RYR1: variants seen among roughly 807,000 people sequenced by gnomAD.
The protein encoded by RYR1 is central core disease of muscle.
In RYR1, 342 loss-of-function variants were observed where a neutral mutation model predicts 583.5. That is an observed-to-expected ratio of 0.59 (90% CI 0.54 to 0.64). RYR1 has a LOEUF of 0.64. Among genes scored for constraint, RYR1 ranks in the 30% least tolerant of loss-of-function variants. The pLI, the probability that RYR1 is intolerant of heterozygous loss-of-function variation, is 0.00. For synonymous variants in RYR1, 2,791 were observed against 2,822.5 expected, an observed-to-expected ratio of 0.99 and a Z score of 0.35; for missense variants, 6,032 against 6,917.2, an observed-to-expected ratio of 0.87 and a Z score of 4.54.
chr19:38,570,961 G>A (rs916045149), intron 94 of RYR1, among the ~76,000 whole-genome samples: 1 of 152,230 alleles, frequency 6.6e-6, no homozygotes, highest in Admixed American at 6.5e-5. Flanking sequence ...GCTCAGCTCG[G>A]CCACATGCCA....
chr19:38,488,238 C>T (rs373559845), intron 34 of RYR1, among the ~76,000 whole-genome samples: 5 of 152,186 alleles, frequency 3.3e-5, no homozygotes, highest in African/African-American at 4.8e-5. Context: ...TCTATCAACC[C>T]ATCCATCACC....
chr19:38,457,422 C>T (rs867276155), intron 16 of RYR1, 75 bp from the exon 17 acceptor site: 1 of 1,610,160 alleles, frequency 6.2e-7, no homozygotes, highest in African/African-American at 1.3e-5. Flanking sequence ...TCCTGGCTTC[C>T]CTCCCTCCCA....
chr19:38,542,775 C>T (rs1451919938), intron 84 of RYR1, among the ~76,000 whole-genome samples: 1 of 152,014 alleles, frequency 6.6e-6, no homozygotes, highest in Non-Finnish European at 1.5e-5. Flanking sequence ...CCCACCTGGG[C>T]CTCCCAAAGT....
chr19:38,548,291 A>C lies in RYR1; in HGVS notation c.12153A>C (p.Ser4051=). The stretch of plus-strand genomic sequence containing the variant: ...TGGTGGACATGCTCGTGGAATCCTC[A>C]TCCAATGTGGAGATGATCCTCAAGT... ...RQMVDMLVES[S]SNVEMILKFF... The change falls in exon 89 of 106, where the codon TCA becomes TCC. Residue 4051 remains serine (S), a synonymous_variant. Transcript: ENST00000359596. 6.2e-7 allele frequency: 1 copy of C among 1,614,180 alleles called. No homozygotes were observed. The highest frequency in any genetic ancestry group is 8.5e-7 in the Non-Finnish European group (1 of 1,180,038).
At chr19:38,507,882 C>A in intron 58 of RYR1, 55 bp downstream of exon 58, 2 of 1,073,662 alleles carry the variant, frequency 1.9e-6, no homozygotes, top group Non-Finnish European at 2.9e-6. Context: ...ACCAGTTCTG[C>A]AGACCAGACT....
In RYR1 at chr19:38,449,188, G is replaced by T. The variant is rs187979219; in HGVS notation, c.1122+375G>T. 2.0e-5 allele frequency among the ~76,000 whole-genome samples: 3 copies of T among 152,308 alleles called. No individual in the cohort carries two copies. The South Asian group carries it at 6.2e-4, about 32-fold the overall frequency. On this transcript the variant is annotated intron_variant, in intron 11 of 105. Coordinates refer to ENST00000359596, the MANE Select transcript of RYR1 (RefSeq NM_000540.3). The stretch of plus-strand genomic sequence containing the variant: ...GAGAAACAGAGACACGGCCGGGCGT[G>T]GTGGCTCATGCCTGTAATCCTAGCA...
In RYR1 at chr19:38,545,093, T is replaced by C. The variant is rs1022975510; in HGVS notation, c.12012+1218T>C. 5.3e-5 allele frequency among the ~76,000 whole-genome samples: 8 copies of C among 151,444 alleles called. No individual in the cohort carries two copies. In the South Asian group the frequency reaches 1.5e-3, roughly 28 times the overall value. On this transcript the variant is annotated intron_variant, in intron 87 of 105. Coordinates refer to ENST00000359596, the MANE Select transcript of RYR1 (RefSeq NM_000540.3). The stretch of plus-strand genomic sequence containing the variant: ...CTCCAAGAAAAAAAAAAACCTGAGA[T>C]TCTCTCTGACTAGCCTATTGGGTCA...
intron 37 of RYR1, among the ~76,000 whole-genome samples, chr19:38,491,002 G>A (rs1420814530): frequency 6.6e-6 from 1 of 152,222 alleles, no homozygotes; most frequent in Non-Finnish European, 1.5e-5. Flanking sequence ...ATGGCTGGCT[G>A]GATAGATGGA....
Position 38,455,695 on chromosome 19 carries a change from G to A in RYR1, c.1735G>A (p.Glu579Lys), listed in dbSNP as rs753907367. ...TCCAGAGGTTCTGAACATCATCCAG[G>A]AGAATCACATCAAGTCCATCATCTC... ...ESPEVLNIIQ[E>K]NHIKSIISLL... The change falls in exon 16 of 106, where the codon GAG becomes AAG. Residue 579 changes from glutamate (E) to lysine (K), a missense_variant. Transcript: ENST00000359596. 4.6e-5 allele frequency: 75 copies of A among 1,613,886 alleles called. No homozygotes were observed. Among genetic ancestry groups the A allele is most frequent in the Non-Finnish European group, 6.0e-5 (71 of 1,179,990 alleles).
At chr19:38,540,917 C>A (rs1388333692) in intron 84 of RYR1, among the ~76,000 whole-genome samples, 3 of 149,524 alleles carry the variant, frequency 2.0e-5, no homozygotes, top group East Asian at 2.0e-4. Context: ...TCATATACTA[C>A]AGTGTAATAA....
rs199514828 is a variant in RYR1, at chr19:38,475,272, T to G, written c.4161-46T>G. 29 of 1,551,294 alleles carry G rather than the reference T, an allele frequency of 1.9e-5. No homozygotes were observed. The Admixed American group carries it at 2.2e-4, about 12-fold the overall frequency. ...GGCATGAATATTGCGGTGGGAGGGC[T>G]GGGCTTGAAAGCTGGCTCTCATGGC... is the stretch of plus-strand genomic sequence containing the variant. On this transcript the variant is annotated intron_variant, in intron 28 of 105. Coordinates refer to ENST00000359596, the MANE Select transcript of RYR1 (RefSeq NM_000540.3).
chr19:38,433,829 C>T lies in RYR1; in HGVS notation c.-1C>T. On this transcript the variant is annotated 5_prime_UTR_variant, in exon 1 of 106. Coordinates refer to ENST00000359596, the MANE Select transcript of RYR1 (RefSeq NM_000540.3). ...GACCCTGGGCTTCCGACCTCGACAT[C>T]ATGGGTGACGCAGAAGGCGAAGACG... The T allele has an allele frequency of 1.3e-6, 2 of 1,557,610 alleles. No individual in the cohort carries two copies. Among genetic ancestry groups the T allele is most frequent in the Admixed American group, 1.7e-5 (1 of 57,716 alleles).
Position 38,584,963 on chromosome 19 carries a change from C to T in RYR1, c.14667C>T (p.Tyr4889=), listed in dbSNP as rs193922887. The stretch of plus-strand genomic sequence containing the variant: ...CTCAGTGTTACCTGTTTCACATGTA[C>T]GTGGGTGTCCGGGCTGGCGGAGGCA... ...DMMTCYLFHM[Y]VGVRAGGGIG... The change falls in exon 102 of 106, where the codon TAC becomes TAT. Residue 4889 remains tyrosine, a synonymous_variant. Coordinates refer to ENST00000359596, the MANE Select transcript of RYR1 (RefSeq NM_000540.3). The T allele has an allele frequency of 5.6e-6, 9 of 1,613,846 alleles. No individual in the cohort carries two copies. The highest frequency in any genetic ancestry group is 5.3e-5 in the African/African-American group (4 of 74,880).
chr19:38,549,082 G>A (rs1404589513), intron 89 of RYR1, among the ~76,000 whole-genome samples: 1 of 152,092 alleles, frequency 6.6e-6, no homozygotes. Context: ...GACACAGCCC[G>A]TGCTTTCATG....
Position 38,520,693 on chromosome 19 carries a change from C to CAAAAAAAAAAAAAAAAAAAAAAAAA in RYR1, c.10259+1241_10259+1265dup, listed in dbSNP as rs71165555. Among the ~76,000 whole-genome samples, 18 of 46,902 alleles carry CAAAAAAAAAAAAAAAAAAAAAAAAA rather than the reference C, an allele frequency of 3.8e-4. 1 individual carries two copies. Among genetic ancestry groups the CAAAAAAAAAAAAAAAAAAAAAAAAA allele is most frequent in the African/African-American group, 7.1e-4 (13 of 18,220 alleles). 30.8% of individuals were successfully genotyped at this position (46,902 alleles called of 152,430 possible). A position where few individuals can be genotyped will look rare whatever the true frequency, so the allele number is the denominator to read the frequency against. On this transcript the variant is annotated intron_variant, in intron 67 of 105. Transcript: ENST00000359596. ...CTAGGAACAGAGCGAGGCTCCACCTCAAAAAAAAAAAAAAAAAAAAAAAAA... is the reference window on the plus strand; with the variant it reads ...CTAGGAACAGAGCGAGGCTCCACCTCAAAAAAAAAAAAAAAAAAAAAAAAAAAAAAAAAAAAAAAAAAAAAAAAAA...
At chr19:38,470,128 TGCA>T (rs1423343807) in intron 27 of RYR1, among the ~76,000 whole-genome samples, 3 of 148,570 alleles carry the variant, frequency 2.0e-5, no homozygotes, top group Non-Finnish European at 4.4e-5. Context: ...ATTGCGCCCT[TGCA>T]CTCCAGCCTG....
chr19:38,527,243 G>A (rs934809634), intron 72 of RYR1, among the ~76,000 whole-genome samples, 191 bp downstream of exon 72: 7 of 152,194 alleles, frequency 4.6e-5, no homozygotes, highest in African/African-American at 1.7e-4. Context: ...GGGCACAATG[G>A]CTCATGCCTG....
At chr19:38,537,458 C>T (rs1235360733) in intron 83 of RYR1, among the ~76,000 whole-genome samples, 1 of 152,180 alleles carries the variant, frequency 6.6e-6, no homozygotes, top group Non-Finnish European at 1.5e-5. Flanking sequence ...CCAATCTTCC[C>T]CTGCCCAGAG....
chr19:38,477,884 G>C lies in RYR1; in HGVS notation c.4454+14G>C. On this transcript the variant is annotated intron_variant, in intron 30 of 105. Transcript: ENST00000359596. ...CGTCCACAGCAGGTGCCGGGGCTGG[G>C]GGGAGGTGGGAGGTGCAGGGTGGGG... 1 of 1,605,022 alleles carries C rather than the reference G, an allele frequency of 6.2e-7. No individual in the cohort carries two copies.
Sources: allele counts gnomAD v4.1 joint callset (sites outside exome capture counted in the v4.1 genomes callset), GRCh38; gene constraint gnomAD v4.1.1; transcripts MANE v1.5; gene names NCBI Gene and HGNC (gene_info 2026-07-23, HGNC 2026-07-21).